Variants in INPP5B observed in about 807,000 individuals in gnomAD.
INPP5B encodes inositol polyphosphate-5-phosphatase B, also known as type II inositol 1,4,5-trisphosphate 5-phosphatase.
In INPP5B, 90 loss-of-function variants were observed where a neutral mutation model predicts 118.5. The ratio of observed to expected loss-of-function variants is 0.76; its 90% CI spans 0.64 to 0.90. INPP5B has a LOEUF of 0.90. Ranked by LOEUF, INPP5B falls within the 40% of genes least tolerant of loss-of-function variation. The probability of loss-of-function intolerance (pLI) is 0.00; values close to 1 mark genes in which losing one functional copy is unlikely to be tolerated. For missense variants in INPP5B, 984 were observed against 1,125.6 expected (o/e 0.87, Z 1.80); for synonymous variants, 385 against 418.9 (o/e 0.92, Z 0.99).
intron 7 of INPP5B, among the ~76,000 whole-genome samples, chr1:37,900,984 G>C (rs1157154978): frequency 2.0e-5 from 3 of 151,888 alleles, no homozygotes. Flanking sequence ...GCTAATTTTT[G>C]TATTTTTCGT....
intron 13 of INPP5B, chr1:37,883,943 G>T: frequency 1.4e-6 from 1 of 714,838 alleles, no homozygotes; most frequent in Non-Finnish European, 1.7e-6. Flanking sequence ...AGAGGAAGTT[G>T]TAGAGATAAA....
chr1:37,867,752 T>G (rs921589620), intron 20 of INPP5B, among the ~76,000 whole-genome samples: 1 of 152,186 alleles, frequency 6.6e-6, no homozygotes, highest in Non-Finnish European at 1.5e-5. Flanking sequence ...CTAACCAATC[T>G]GATTAGTGAA....
intron 21 of INPP5B, 131 bp downstream of exon 21, chr1:37,866,328 C>T: frequency 5.0e-6 from 3 of 602,146 alleles, no homozygotes; most frequent in East Asian, 2.8e-5. Flanking sequence ...GCTGAGGATA[C>T]AATATCAGAT....
At chr1:37,869,420 CA>C (rs1642264213) in intron 19 of INPP5B, among the ~76,000 whole-genome samples, 1 of 151,928 alleles carries the variant, frequency 6.6e-6, no homozygotes, top group African/African-American at 2.4e-5. Context: ...GCTGAGATTA[CA>C]GGCGTGAGCC....
intron 7 of INPP5B, among the ~76,000 whole-genome samples, chr1:37,904,142 T>C (rs1034292606): frequency 6.6e-5 from 10 of 151,814 alleles, no homozygotes; most frequent in Admixed American, 3.3e-4. Context: ...CTAGCCAACA[T>C]GATGAAACCC....
chr1:37,899,025 T>C (rs1342132652), intron 7 of INPP5B, among the ~76,000 whole-genome samples: 1 of 150,772 alleles, frequency 6.6e-6, no homozygotes, highest in Non-Finnish European at 1.5e-5. Flanking sequence ...CTACCAAAAA[T>C]GCAAAATTAG....
At chr1:37,927,621 C>G (rs1333968384) in intron 7 of INPP5B, among the ~76,000 whole-genome samples, 1 of 151,510 alleles carries the variant, frequency 6.6e-6, no homozygotes, top group Non-Finnish European at 1.5e-5. Context: ...ACTGCAAGCT[C>G]TGCCTCCCAA....
chr1:37,895,704 G>A (rs534280017), intron 7 of INPP5B, among the ~76,000 whole-genome samples: 2,182 of 152,248 alleles, frequency 0.014, 56 homozygotes, highest in African/African-American at 0.05. Flanking sequence ...TGGTGGAGAC[G>A]GGGATTCGCT....
intron 23 of INPP5B, among the ~76,000 whole-genome samples, chr1:37,862,955 G>T (rs796808188): frequency 6.6e-6 from 1 of 152,204 alleles, no homozygotes; most frequent in Admixed American, 6.5e-5. Context: ...GGGGGTTGTG[G>T]GGGAGGCAGC....
At chr1:37,945,553 C>A (rs1360730199) in intron 3 of INPP5B, among the ~76,000 whole-genome samples, 2 of 152,266 alleles carry the variant, frequency 1.3e-5, no homozygotes, top group Non-Finnish European at 2.9e-5. Flanking sequence ...TCTCAAGAAA[C>A]TTCCTCCTTA....
chr1:37,910,310 G>A (rs985345549), intron 7 of INPP5B, among the ~76,000 whole-genome samples: 6 of 152,072 alleles, frequency 3.9e-5, no homozygotes, highest in South Asian at 2.1e-4. Flanking sequence ...ACAGCCAGGC[G>A]TCTAAACCTC....
Position 37,861,344 on chromosome 1 carries a change from CTT to C in INPP5B, c.*969_*970del, listed in dbSNP as rs1385159472. On this transcript the variant is annotated 3_prime_UTR_variant, in exon 24 of 24. Coordinates refer to ENST00000373024, the MANE Select transcript of INPP5B (RefSeq NM_005540.3). Reference sequence around the variant, plus strand: ...CATCCAACTCATTGGCCTTTCAGGACTTTCCATCAAATATCTGATCATGGGGA... The same window carrying C: ...CATCCAACTCATTGGCCTTTCAGGACTCCATCAAATATCTGATCATGGGGA... 2 of 152,290 alleles carry C rather than the reference CTT, an allele frequency of 1.3e-5. No individual in the cohort carries two copies. The highest frequency in any genetic ancestry group is 2.9e-5 in the Non-Finnish European group (2 of 68,070). The allele number at this position is 152,290 out of a possible 1,614,324, so 9.4% of individuals were successfully genotyped here.
intron 7 of INPP5B, among the ~76,000 whole-genome samples, chr1:37,918,347 C>G (rs1053990245): frequency 2.6e-5 from 4 of 152,192 alleles, no homozygotes; most frequent in Admixed American, 1.3e-4. Context: ...TGGCTCTACT[C>G]TCCTTCATCA....
intron 21 of INPP5B, 57 bp downstream of exon 21, chr1:37,866,402 T>TCACACACACA (rs770631435): frequency 7.8e-5 from 53 of 681,464 alleles, no homozygotes; most frequent in East Asian, 3.8e-4. Flanking sequence ...TCTCTCTCTC[T>TCACACACACA]CTCTCACACA....
chr1:37,895,300 A>G (rs4281294), intron 7 of INPP5B, among the ~76,000 whole-genome samples: 39,525 of 152,092 alleles, frequency 0.26, 5,312 homozygotes, highest in Non-Finnish European at 0.28. Context: ...GTCTTACCAT[A>G]TGTTCTACCC....
chr1:37,915,552 G>A (rs565448421), intron 7 of INPP5B, among the ~76,000 whole-genome samples: 2 of 152,314 alleles, frequency 1.3e-5, no homozygotes, highest in South Asian at 2.1e-4. Context: ...GGTAGTTAAT[G>A]AGCATGGCCT....
intron 17 of INPP5B, among the ~76,000 whole-genome samples, chr1:37,875,390 T>G (rs1570017939): frequency 6.6e-6 from 1 of 152,254 alleles, no homozygotes; most frequent in East Asian, 1.9e-4. Context: ...TGTCTCAGCC[T>G]CCCGAGTAGT....
chr1:37,901,324 T>C (rs1015620841), intron 7 of INPP5B, among the ~76,000 whole-genome samples: 1 of 152,154 alleles, frequency 6.6e-6, no homozygotes, highest in African/African-American at 2.4e-5. Context: ...TCACTTCTGC[T>C]CTTTGGGTCT....
chr1:37,945,701 G>T, intron 3 of INPP5B, 55 bp downstream of exon 3: 2 of 1,250,742 alleles, frequency 1.6e-6, no homozygotes, highest in Non-Finnish European at 2.3e-6. Context: ...GCTGGAGGGT[G>T]CAGTGATGAA....
Sources: gnomAD v4.1 joint callset for allele counts (sites outside exome capture counted in the v4.1 genomes callset) on GRCh38, gnomAD v4.1.1 for gene constraint, MANE v1.5 for transcripts, NCBI Gene and HGNC (gene_info 2026-07-23, HGNC 2026-07-21) for gene names.